Variants in BAIAP3 observed in about 807,000 individuals in gnomAD.
The protein encoded by BAIAP3 is BAI1 associated protein 3, also known as BAI1-associated protein 3.
Under a neutral mutation model 149.7 loss-of-function variants are expected in BAIAP3, and 180 were observed. The ratio of observed to expected loss-of-function variants is 1.20; its 90% CI spans 1.07 to 1.36. The LOEUF is 1.36. Ranked by LOEUF, BAIAP3 falls within the 40% of genes most tolerant of loss-of-function variation. The probability of loss-of-function intolerance (pLI) is 0.00; values close to 1 mark genes in which losing one functional copy is unlikely to be tolerated. For synonymous variants in BAIAP3, 845 were observed against 670.7 expected (o/e 1.26, Z -4.02); for missense variants, 1,767 against 1,563.4 (o/e 1.13, Z -2.20).
rs1443780362 is a variant in BAIAP3, at chr16:1,347,863, G to A, written c.3026-31G>A. On this transcript the variant is annotated intron_variant, in intron 31 of 33. Transcript: ENST00000426824. Reference sequence around the variant, plus strand: ...ACGGGTCGGGTGGTGGTGGGATGGGGGCAGGGGGGCTCACGACTGTGCTCC... The same window carrying A: ...ACGGGTCGGGTGGTGGTGGGATGGGAGCAGGGGGGCTCACGACTGTGCTCC... The A allele has an allele frequency of 5.6e-6, 9 of 1,609,184 alleles. No individual in the cohort carries two copies. The South Asian group carries it at 9.9e-5, about 18-fold the overall frequency.
At chr16:1,339,714 G>A (rs117966672) in intron 5 of BAIAP3, 111 bp downstream of exon 5, 18 of 873,166 alleles carry the variant, frequency 2.1e-5, no homozygotes, top group Admixed American at 1.0e-4. Flanking sequence ...TCCCCGATCC[G>A]TGCACAGCAC....
At chr16:1,347,150 T>C (rs1040917259) in intron 28 of BAIAP3, 148 bp from the exon 29 acceptor site, 53 of 949,308 alleles carry the variant, frequency 5.6e-5, no homozygotes, top group Admixed American at 7.7e-5. Context: ...TCCTGGGAGC[T>C]TCCGATGCCC....
chr16:1,339,202 T>A lies in BAIAP3; in HGVS notation c.258T>A (p.Pro86=). The change falls in exon 4 of 34, where the codon CCT becomes CCA. Residue 86 remains proline, a synonymous_variant. Coordinates refer to ENST00000426824, the MANE Select transcript of BAIAP3 (RefSeq NM_001199097.2). ...GTGGCTCGCCAGCACCCCCGGAGCC[T>A]GTGGATCCCAGCCTCGGCCTGAGAG... The part of the protein sequence containing the change: ...LRSGSPAPPE[P]VDPSLGLRAL... The A allele has an allele frequency of 6.4e-7, 1 of 1,565,298 alleles. No individual in the cohort carries two copies. The highest frequency in any genetic ancestry group is 8.6e-7 in the Non-Finnish European group (1 of 1,157,310).
intron 1 of BAIAP3, among the ~76,000 whole-genome samples, chr16:1,334,305 G>A (rs2141550223): frequency 6.6e-6 from 1 of 152,300 alleles, no homozygotes; most frequent in Non-Finnish European, 1.5e-5. Context: ...CTGGGCCGGG[G>A]TCTCCGGGGG....
At position 1,334,469 on chromosome 16, in the gene BAIAP3, G is replaced by A. The variant is rs1045324107; in HGVS notation, c.-11+720G>A. On this transcript the variant is annotated intron_variant, in intron 1 of 33. Transcript: ENST00000426824. ...GGTGCCGCGAGGCGGGGCAGGGAGG[G>A]GGTCGGTGAGCAGAGGGAGGAGGGA... 6.7e-6 allele frequency: 4 copies of A among 600,294 alleles called. No individual in the cohort carries two copies. The African/African-American group carries it at 7.5e-5, about 11-fold the overall frequency. 37.2% of individuals were successfully genotyped at this position (600,294 alleles called of 1,614,324 possible). A position where few individuals can be genotyped will look rare whatever the true frequency, so the allele number is the denominator to read the frequency against.
chr16:1,348,241 G>C lies in BAIAP3; in HGVS notation c.3295G>C (p.Gly1099Arg). ...CACTGGTGTCGCCCGGCCCCAGGTGGGCGGGGGTGCAAGGGCTGGGCAGCC... is the reference window on the plus strand; with the variant it reads ...CACTGGTGTCGCCCGGCCCCAGGTGCGCGGGGGTGCAAGGGCTGGGCAGCC... ...GVTGVARPQV[G>R]GGARAGQPVT... The change falls in exon 33 of 34, where the codon GGC becomes CGC. Residue 1099 changes from glycine (G) to arginine (R), a missense_variant. Coordinates refer to ENST00000426824, the MANE Select transcript of BAIAP3 (RefSeq NM_001199097.2). 6.2e-7 allele frequency: 1 copy of C among 1,605,678 alleles called. No individual in the cohort carries two copies. Among genetic ancestry groups the C allele is most frequent in the Non-Finnish European group, 8.5e-7 (1 of 1,178,182 alleles).
At chr16:1,343,582 C>T in intron 15 of BAIAP3, 69 bp downstream of exon 15, 3 of 1,569,336 alleles carry the variant, frequency 1.9e-6, no homozygotes, top group Admixed American at 1.8e-5. Flanking sequence ...TCGCTCAGTG[C>T]CGGTCGGCGA....
chr16:1,343,881 G>T, intron 15 of BAIAP3, 141 bp from the exon 16 acceptor site: 2 of 1,328,930 alleles, frequency 1.5e-6, no homozygotes, highest in East Asian at 4.6e-5. Flanking sequence ...CAGGCCGACT[G>T]GGCCTGTGGA....
In BAIAP3 at chr16:1,346,344, G is replaced by A; in HGVS notation, c.2476G>A (p.Ala826Thr). Residue 826 changes from alanine (A) to threonine (T), a missense_variant, in exon 25 of 34, where the codon GCG becomes ACG. By Grantham distance (58) the Ala-to-Thr change is moderately conservative. Transcript: ENST00000426824. ...DLQREAHTVTAHLTSKMVGDI... is the reference protein window; with the variant it reads ...DLQREAHTVTTHLTSKMVGDI... ...GCAACGGGAGGCCCACACGGTGACA[G>A]CGCACCTGACCTCTAAGGTGGGTGG... 1.9e-6 allele frequency: 3 copies of A among 1,606,436 alleles called. No homozygotes were observed. The highest frequency in any genetic ancestry group is 2.6e-6 in the Non-Finnish European group (3 of 1,174,874).
rs2034131141 is a variant in BAIAP3 at position 1,344,075 on chromosome 16, G to A, written c.1440G>A (p.Leu480=). 1.9e-6 allele frequency: 3 copies of A among 1,612,258 alleles called. No homozygotes were observed. The highest frequency in any genetic ancestry group is 1.6e-4 in the Middle Eastern group (1 of 6,062). Residue 480 remains leucine (L), a synonymous_variant, in exon 16 of 34, where the codon CTG becomes CTA. Coordinates refer to ENST00000426824, the MANE Select transcript of BAIAP3 (RefSeq NM_001199097.2). Reference sequence around the variant, plus strand: ...CCTTCTCTGAGTTCGGGCTGCAGCTGCTGCGCCAGCTCCGAGACTACTTCC... The same window carrying A: ...CCTTCTCTGAGTTCGGGCTGCAGCTACTGCGCCAGCTCCGAGACTACTTCC... The part of the protein sequence containing the change: ...LSAFSEFGLQ[L]LRQLRDYFPA...
chr16:1,346,556 G>T, intron 26 of BAIAP3, 46 bp downstream of exon 26: 3 of 1,582,662 alleles, frequency 1.9e-6, no homozygotes, highest in Non-Finnish European at 2.6e-6. Context: ...TGTACTGGGG[G>T]TAGGGCAGAG....
Position 1,344,083 on chromosome 16 carries a change from A to G in BAIAP3, c.1448A>G (p.Gln483Arg). 1.2e-6 allele frequency: 2 copies of G among 1,612,204 alleles called. No individual in the cohort carries two copies. The highest frequency in any genetic ancestry group is 1.7e-6 in the Non-Finnish European group (2 of 1,179,892). The change falls in exon 16 of 34, where the codon CAG (glutamine) becomes CGG (arginine). Residue 483 changes from glutamine to arginine, a missense_variant. Physicochemically the swap from Gln to Arg is conservative, Grantham distance 43. Coordinates refer to ENST00000426824, the MANE Select transcript of BAIAP3 (RefSeq NM_001199097.2). The stretch of plus-strand genomic sequence containing the variant: ...GAGTTCGGGCTGCAGCTGCTGCGCC[A>G]GCTCCGAGACTACTTCCCTGCCACC... ...FSEFGLQLLR[Q>R]LRDYFPATNS...
At chr16:1,342,871 G>C (rs1202504314) in intron 13 of BAIAP3, 42 bp from the exon 14 acceptor site, 2 of 1,612,018 alleles carry the variant, frequency 1.2e-6, no homozygotes, top group Non-Finnish European at 1.7e-6. Context: ...GAGGGGATGT[G>C]GGGCTGTCCC....
In BAIAP3 at chr16:1,348,108, C is replaced by T. The variant is rs778962626; in HGVS notation, c.3162C>T (p.Ala1054=). ...YDELFYFSVP[A]EACRRRAACV... ...CCTCTGTCCGCAGTTCCGTGCCTGC[C>T]GAGGCGTGCCGCCGCCGCGCGGCCT... The change falls in exon 33 of 34, where the codon GCC becomes GCT. Residue 1054 remains alanine, a synonymous_variant. Transcript: ENST00000426824. The T allele has an allele frequency of 2.7e-5, 43 of 1,602,960 alleles. No individual in the cohort carries two copies. Among genetic ancestry groups the T allele is most frequent in the African/African-American group, 8.0e-5 (6 of 74,914 alleles).
rs1415486045 is a variant in BAIAP3, at chr16:1,348,768, G to T, written c.*286G>T. The T allele has an allele frequency of 2.0e-6, 1 of 503,130 alleles. No homozygotes were observed. Among genetic ancestry groups the T allele is most frequent in the African/African-American group, 1.9e-5 (1 of 51,748 alleles). 31.2% of individuals were successfully genotyped at this position (503,130 alleles called of 1,614,324 possible). A position where few individuals can be genotyped will look rare whatever the true frequency, so the allele number is the denominator to read the frequency against. ...GCCAGAGCGGGCTTGACCACCTGGT[G>T]GGCCTCCCTGCCCGCTTCCTTGGGC... On this transcript the variant is annotated 3_prime_UTR_variant, in exon 34 of 34. Coordinates refer to ENST00000426824, the MANE Select transcript of BAIAP3 (RefSeq NM_001199097.2).
In BAIAP3 at chr16:1,347,728, C is replaced by CA. The variant is rs764238893; in HGVS notation, c.2932_2933insA (p.Arg978GlnfsTer12). The stretch of plus-strand genomic sequence containing the variant: ...GACCCTGGAGCAGAACCGGTTTGGA[C>CA]GCCTGAGCGTCCGTTGCCATTACGA... On this transcript the variant is annotated frameshift_variant, in exon 31 of 34. Transcript: ENST00000426824. LOFTEE classifies it high-confidence loss of function. The CA allele has an allele frequency of 2.4e-5, 38 of 1,610,052 alleles. No individual in the cohort carries two copies. The African/African-American group carries it at 4.8e-4, about 20-fold the overall frequency.
rs538816922 is a variant in BAIAP3, at chr16:1,340,427, G to A, written c.409-495G>A. 3.0e-3 allele frequency among the ~76,000 whole-genome samples: 203 copies of A among 67,394 alleles called. 13 individuals carry two copies. The highest frequency in any genetic ancestry group is 8.0e-3 in the African/African-American group (194 of 24,118). 44.2% of individuals were successfully genotyped at this position (67,394 alleles called of 152,430 possible). ...AGATGCACGCACATAGGCTGCAGGT[G>A]TACACAGACATGCACACAGGTTGCA... On this transcript the variant is annotated intron_variant, in intron 5 of 33. Transcript: ENST00000426824.
rs2034525042 is a variant in BAIAP3 at position 1,348,222 on chromosome 16, T to C, written c.3276T>C (p.Gly1092=). 1 of 1,607,770 alleles carries C rather than the reference T, an allele frequency of 6.2e-7. No individual in the cohort carries two copies. Among genetic ancestry groups the C allele is most frequent in the African/African-American group, 1.3e-5 (1 of 75,014 alleles). Residue 1092 remains glycine (G), a synonymous_variant, in exon 33 of 34, where the codon GGT becomes GGC. Transcript: ENST00000426824. The stretch of plus-strand genomic sequence containing the variant: ...CCCTCGGCCTAGGTGGCGTCACTGG[T>C]GTCGCCCGGCCCCAGGTGGGCGGGG... ...EAALGLGGVT[G]VARPQVGGGA...
At chr16:1,338,803 A>G (rs1192717504) in intron 2 of BAIAP3, 99 bp from the exon 3 acceptor site, 4 of 1,585,034 alleles carry the variant, frequency 2.5e-6, no homozygotes, top group Admixed American at 1.7e-5. Context: ...GCTGTGCCAC[A>G]CTGTGGATGT....
Sources: gnomAD v4.1 joint callset for allele counts (sites outside exome capture counted in the v4.1 genomes callset) on GRCh38, gnomAD v4.1.1 for gene constraint, MANE v1.5 for transcripts, NCBI Gene and HGNC (gene_info 2026-07-23, HGNC 2026-07-21) for gene names.